The following CCDC91 variants were observed in gnomAD, a reference collection of about 807,000 sequenced individuals.
CCDC91 encodes the protein coiled-coil domain containing 91.
A neutral mutation model predicts 63.2 loss-of-function variants in CCDC91; 48 were observed. The observed-to-expected ratio is 0.76, with a 90% CI of 0.60 to 0.97. The LOEUF is 0.97. Ranked by LOEUF, CCDC91 falls within the 50% of genes least tolerant of loss-of-function variation. The pLI, the probability that CCDC91 is intolerant of heterozygous loss-of-function variation, is 0.00. For synonymous variants in CCDC91, 167 were observed against 165.8 expected, an observed-to-expected ratio of 1.01 and a Z score of -0.06; for missense variants, 500 against 494.6, an observed-to-expected ratio of 1.01 and a Z score of -0.10.
chr12:28,446,899 G>T (rs1311208481), intron 8 of CCDC91, among the ~76,000 whole-genome samples: 1 of 152,178 alleles, frequency 6.6e-6, no homozygotes, highest in Non-Finnish European at 1.5e-5. Context: ...AGTATTTCTG[G>T]ACAAAAAGAG....
intron 8 of CCDC91, among the ~76,000 whole-genome samples, chr12:28,447,374 A>T (rs1401311409): frequency 6.6e-6 from 1 of 151,956 alleles, no homozygotes; most frequent in Admixed American, 6.6e-5. Context: ...TGTTTGCCTA[A>T]GTGTTATCAG....
At chr12:28,516,760 A>C (rs1410149862) in intron 12 of CCDC91, among the ~76,000 whole-genome samples, 3 of 151,896 alleles carry the variant, frequency 2.0e-5, no homozygotes, top group Non-Finnish European at 4.4e-5. Context: ...AAGGGGGCTG[A>C]ACTCATTCTT....
intron 11 of CCDC91, among the ~76,000 whole-genome samples, chr12:28,460,603 C>T (rs902301914): frequency 2.0e-5 from 3 of 151,990 alleles, no homozygotes; most frequent in Admixed American, 2.0e-4. Context: ...GCTTAGAAAC[C>T]ATAACTATCA....
intron 12 of CCDC91, among the ~76,000 whole-genome samples, chr12:28,518,806 A>G (rs187363667): frequency 2.4e-4 from 36 of 152,086 alleles, no homozygotes; most frequent in East Asian, 2.3e-3. Context: ...TAAGTCCTTG[A>G]TCCATCTTGA....
intron 6 of CCDC91, chr12:28,319,448 G>T (rs1331866698): frequency 6.6e-6 from 1 of 152,284 alleles, no homozygotes; most frequent in Non-Finnish European, 1.5e-5. Context: ...CTACGATACT[G>T]CCATTGTGCA....
intron 11 of CCDC91, among the ~76,000 whole-genome samples, chr12:28,477,248 A>G (rs1161437469): frequency 6.6e-6 from 1 of 152,208 alleles, no homozygotes; most frequent in African/African-American, 2.4e-5. Flanking sequence ...CGAATCCAGC[A>G]GCATATCAAA....
chr12:28,307,812 C>A, intron 6 of CCDC91, 63 bp downstream of exon 6: 1 of 829,428 alleles, frequency 1.2e-6, no homozygotes, highest in South Asian at 1.5e-5. Context: ...GCTATAATTT[C>A]AAAAAGTGCA....
rs1946657229 is a variant in CCDC91, at chr12:28,259,253, A to G, written c.31-111A>G. ...AAGCAGTTATTTAGAGGGAATATGAAAATGTCTGGTGTGTTATAGAAGATA... is the reference window on the plus strand; with the variant it reads ...AAGCAGTTATTTAGAGGGAATATGAGAATGTCTGGTGTGTTATAGAAGATA... On this transcript the variant is annotated intron_variant, in intron 2 of 12. Transcript: ENST00000536442. The G allele has an allele frequency of 6.6e-6, 5 of 752,602 alleles. No homozygotes were observed. In the East Asian group the frequency reaches 1.3e-4, roughly 20 times the overall value. The allele number at this position is 752,602 out of a possible 1,614,324, so 46.6% of individuals were successfully genotyped here.
chr12:28,388,842 A>G (rs1945766493), intron 7 of CCDC91, among the ~76,000 whole-genome samples: 1 of 152,174 alleles, frequency 6.6e-6, no homozygotes, highest in Non-Finnish European at 1.5e-5. Flanking sequence ...CTCTCACCTT[A>G]TACAAAAATC....
intron 6 of CCDC91, among the ~76,000 whole-genome samples, chr12:28,316,329 C>T (rs1374506564): frequency 6.6e-6 from 1 of 151,520 alleles, no homozygotes; most frequent in East Asian, 1.9e-4. Context: ...CTAAAATTTG[C>T]TCCCCCTTTT....
chr12:28,521,468 T>G (rs551349769), intron 12 of CCDC91, among the ~76,000 whole-genome samples: 1 of 152,318 alleles, frequency 6.6e-6, no homozygotes, highest in Admixed American at 6.5e-5. Flanking sequence ...TAAGGAGATT[T>G]GGGGCTGAGA....
chr12:28,354,538 C>A (rs1424529534), intron 6 of CCDC91, among the ~76,000 whole-genome samples: 1 of 152,098 alleles, frequency 6.6e-6, no homozygotes, highest in East Asian at 1.9e-4. Context: ...ACTACAAGTA[C>A]CACTTTTAGT....
chr12:28,485,023 T>C (rs1951644566), intron 12 of CCDC91, among the ~76,000 whole-genome samples: 1 of 151,854 alleles, frequency 6.6e-6, no homozygotes, highest in South Asian at 2.1e-4. Context: ...TATGAGGAAA[T>C]TTGACACAAT....
chr12:28,353,795 C>A (rs1943340965), intron 6 of CCDC91, among the ~76,000 whole-genome samples: 2 of 151,942 alleles, frequency 1.3e-5, no homozygotes. Flanking sequence ...AATATTGTTA[C>A]AATTACCAAG....
intron 1 of CCDC91, among the ~76,000 whole-genome samples, chr12:28,194,203 C>T (rs779830092): frequency 1.5e-4 from 23 of 152,046 alleles, no homozygotes; most frequent in Admixed American, 3.3e-4. Context: ...TGACCAATTT[C>T]GAGTTAATTT....
chr12:28,535,397 C>A (rs921781952), intron 12 of CCDC91, among the ~76,000 whole-genome samples: 5 of 152,104 alleles, frequency 3.3e-5, no homozygotes, highest in African/African-American at 1.2e-4. Context: ...CCTTCCATTC[C>A]CTTGCACAAC....
chr12:28,447,565 A>C (rs1949562477), intron 8 of CCDC91, among the ~76,000 whole-genome samples: 1 of 150,460 alleles, frequency 6.6e-6, no homozygotes, highest in Non-Finnish European at 1.5e-5. Flanking sequence ...TAAGATCTAA[A>C]TTTTGGCTGG....
At chr12:28,259,694 C>T (rs1362815623) in intron 3 of CCDC91, among the ~76,000 whole-genome samples, 1 of 151,864 alleles carries the variant, frequency 6.6e-6, no homozygotes, top group East Asian at 1.9e-4. Flanking sequence ...CTACAATTTA[C>T]ATTTTTAAAT....
chr12:28,512,190 CT>C (rs1438121497), intron 12 of CCDC91, among the ~76,000 whole-genome samples: 11 of 151,680 alleles, frequency 7.3e-5, no homozygotes, highest in African/African-American at 2.7e-4. Context: ...GTACAAATGT[CT>C]TTTTTGTATT....
Sources: allele counts gnomAD v4.1 joint callset (sites outside exome capture counted in the v4.1 genomes callset), GRCh38; gene constraint gnomAD v4.1.1; transcripts MANE v1.5; gene names NCBI Gene and HGNC (gene_info 2026-07-23, HGNC 2026-07-21).